ANKRD7: variants seen among roughly 807,000 people sequenced by gnomAD.
ANKRD7 encodes the protein ankyrin repeat domain-containing protein 7.
ANKRD7 carries 30 observed loss-of-function variants against 30.8 expected under a neutral mutation model. That is an observed-to-expected ratio of 0.97 (90% CI 0.73 to 1.32). The LOEUF is 1.32. Ranked by LOEUF, ANKRD7 falls within the 40% of genes most tolerant of loss-of-function variation. ANKRD7 has a pLI of 0.00. For missense variants in ANKRD7, 264 were observed against 295.7 expected (o/e 0.89, Z 0.79); for synonymous variants, 97 against 106.6 (o/e 0.91, Z 0.55).
At chr7:118,226,715 C>CT (rs1809548442) in intron 1 of ANKRD7, among the ~76,000 whole-genome samples, 1 of 152,112 alleles carries the variant, frequency 6.6e-6, no homozygotes, top group South Asian at 2.1e-4. Flanking sequence ...AGACTGATAT[C>CT]TACATATATT....
chr7:118,230,218 C>T (rs991100884), intron 1 of ANKRD7, among the ~76,000 whole-genome samples: 4 of 151,748 alleles, frequency 2.6e-5, no homozygotes, highest in African/African-American at 9.7e-5. Context: ...TCCAAATTGA[C>T]AAAGAGGATA....
chr7:118,230,643 T>C (rs1228925785), intron 1 of ANKRD7, among the ~76,000 whole-genome samples: 1 of 151,868 alleles, frequency 6.6e-6, no homozygotes, highest in Non-Finnish European at 1.5e-5. Context: ...CGTGTGTGTG[T>C]GTGTGTGTAG....
chr7:118,235,536 C>T (rs1181930920), intron 3 of ANKRD7, among the ~76,000 whole-genome samples: 4 of 144,850 alleles, frequency 2.8e-5, no homozygotes, highest in East Asian at 4.2e-4. Context: ...GGCGTGAACC[C>T]GGGAGGCGGG....
intron 1 of ANKRD7, among the ~76,000 whole-genome samples, chr7:118,231,794 A>G (rs1428103783): frequency 6.6e-6 from 1 of 152,040 alleles, no homozygotes; most frequent in Non-Finnish European, 1.5e-5. Context: ...TCGATATATG[A>G]GAGAGTGAGA....
chr7:118,233,235 C>T (rs1030763709), intron 1 of ANKRD7, among the ~76,000 whole-genome samples: 45 of 152,154 alleles, frequency 3.0e-4, no homozygotes, highest in African/African-American at 1.1e-3. Flanking sequence ...TTCAGATTGT[C>T]TTTTCCATGT....
At chr7:118,232,678 T>C (rs1809661977) in intron 1 of ANKRD7, among the ~76,000 whole-genome samples, 1 of 151,808 alleles carries the variant, frequency 6.6e-6, no homozygotes, top group African/African-American at 2.4e-5. Flanking sequence ...GTGGAGGACC[T>C]ATTGGGAATC....
Position 118,234,853 on chromosome 7 carries a change from T to G in ANKRD7, c.447T>G (p.Ala149=). The stretch of plus-strand genomic sequence containing the variant: ...TTGAAAAACTGCTTGAATACGAAGC[T>G]GATCTTGAAGCGAAAAATAAGGTAG... ...SLVEKLLEYE[A]DLEAKNKDGY... is the part of the protein sequence containing the mutation. The change falls in exon 3 of 7, where the codon GCT becomes GCG. Residue 149 remains alanine (A), a synonymous_variant. Transcript: ENST00000265224. The G allele has an allele frequency of 6.2e-7, 1 of 1,603,614 alleles. No homozygotes were observed. Among genetic ancestry groups the G allele is most frequent in the South Asian group, 1.1e-5 (1 of 88,360 alleles).
intron 6 of ANKRD7, among the ~76,000 whole-genome samples, chr7:118,240,268 C>T (rs1423345932): frequency 1.3e-5 from 2 of 152,030 alleles, no homozygotes; most frequent in African/African-American, 4.8e-5. Flanking sequence ...CCCACTAACT[C>T]GTCATCTAGC....
intron 3 of ANKRD7, 23 bp downstream of exon 3, chr7:118,234,897 A>C (rs931321322): frequency 5.1e-6 from 8 of 1,566,256 alleles, no homozygotes; most frequent in African/African-American, 1.4e-5. Context: ...TAAAGAAAAA[A>C]ATCCTGTATT....
Position 118,239,904 on chromosome 7 carries a change from T to TATAGATAATATGTAGATA in ANKRD7, c.715_716insATATGTAGATAATAGATA. 1 of 1,583,310 alleles carries TATAGATAATATGTAGATA rather than the reference T, an allele frequency of 6.3e-7. No homozygotes were observed. The highest frequency in any genetic ancestry group is 8.6e-7 in the Non-Finnish European group (1 of 1,158,504). On this transcript the variant is annotated splice_polypyrimidine_tract_variant and splice_region_variant and intron_variant, in intron 5 of 6. Transcript: ENST00000265224. ...GCTGGCATTCACACGTAATTTCCTT[T>TATAGATAATATGTAGATA]ATAGATAGATACCCACAATTCACTG...
intron 5 of ANKRD7, among the ~76,000 whole-genome samples, chr7:118,237,848 G>A (rs1225399739): frequency 6.6e-6 from 1 of 151,990 alleles, no homozygotes; most frequent in Non-Finnish European, 1.5e-5. Flanking sequence ...TTTGGTTTAA[G>A]CAGACCATAT....
At position 118,242,624 on chromosome 7, in the gene ANKRD7, T is replaced by C. The variant is rs141921287; in HGVS notation, c.*313T>C. 3.6e-4 allele frequency: 55 copies of C among 152,158 alleles called. No individual in the cohort carries two copies. Among genetic ancestry groups the C allele is most frequent in the African/African-American group, 1.2e-3 (51 of 41,538 alleles). The allele number at this position is 152,158 out of a possible 1,614,324, so 9.4% of individuals were successfully genotyped here. A position where few individuals can be genotyped will look rare whatever the true frequency, so the allele number is the denominator to read the frequency against. On this transcript the variant is annotated 3_prime_UTR_variant, in exon 7 of 7. Coordinates refer to ENST00000265224, the MANE Select transcript of ANKRD7 (RefSeq NM_019644.4). ...TGTGTCAAAATGTTGAATGGAATAA[T>C]AATGAGGAAACTGTGTTAGGCATGT...
At chr7:118,230,963 T>G (rs1230489429) in intron 1 of ANKRD7, among the ~76,000 whole-genome samples, 3 of 151,944 alleles carry the variant, frequency 2.0e-5, no homozygotes, top group Non-Finnish European at 4.4e-5. Flanking sequence ...AAAATGATAC[T>G]GAAAATTGGA....
chr7:118,238,560 T>C (rs1025253399), intron 5 of ANKRD7, among the ~76,000 whole-genome samples: 2 of 152,234 alleles, frequency 1.3e-5, no homozygotes, highest in African/African-American at 4.8e-5. Context: ...ACATCATTTG[T>C]TGGCTCTCTA....
At chr7:118,236,208 G>A (rs780666442) in intron 4 of ANKRD7, 61 bp downstream of exon 4, 205 of 831,482 alleles carry the variant, frequency 2.5e-4, no homozygotes, top group Admixed American at 1.5e-3. Context: ...GTGTGTGTGC[G>A]TATGTGTGTG....
chr7:118,229,319 C>T (rs572889842), intron 1 of ANKRD7, among the ~76,000 whole-genome samples: 11 of 152,158 alleles, frequency 7.2e-5, no homozygotes, highest in Non-Finnish European at 1.6e-4. Flanking sequence ...TCCTACCCTT[C>T]TTCCCTGCTT....
At chr7:118,227,675 A>G (rs1013519609) in intron 1 of ANKRD7, among the ~76,000 whole-genome samples, 1 of 152,168 alleles carries the variant, frequency 6.6e-6, no homozygotes, top group Non-Finnish European at 1.5e-5. Context: ...AATATCTTCA[A>G]ACAAACCCAT....
intron 1 of ANKRD7, chr7:118,227,906 C>CTT (rs67297938): frequency 0.029 from 35,904 of 1,234,484 alleles, 915 homozygotes; most frequent in African/African-American, 0.19. Context: ...AGTATTATGT[C>CTT]TTTTTTTTTT....
chr7:118,237,090 A>G (rs922528804), intron 5 of ANKRD7, among the ~76,000 whole-genome samples, 164 bp downstream of exon 5: 3 of 152,200 alleles, frequency 2.0e-5, no homozygotes, highest in African/African-American at 7.2e-5. Context: ...TTCAATCAAT[A>G]TAAGGGCTAC....
Sources: allele counts gnomAD v4.1 joint callset (sites outside exome capture counted in the v4.1 genomes callset), GRCh38; gene constraint gnomAD v4.1.1; transcripts MANE v1.5; gene names NCBI Gene and HGNC (gene_info 2026-07-23, HGNC 2026-07-21).